The following ST7L variants were observed in gnomAD, a reference collection of about 807,000 sequenced individuals.
The protein encoded by ST7L is suppression of tumorigenicity 7 like, also known as suppressor of tumorigenicity 7 protein-like.
In ST7L, 57 loss-of-function variants were observed where a neutral mutation model predicts 72.5. The ratio of observed to expected loss-of-function variants is 0.79; its 90% confidence interval spans 0.64 to 0.98. The LOEUF (loss-of-function observed/expected upper bound fraction) is 0.98. ST7L is among the 50% of genes least tolerant of loss of function. The pLI is 0.00. For synonymous variants in ST7L, 221 were observed against 240.9 expected, an observed-to-expected ratio of 0.92 and a Z score of 0.77; for missense variants, 576 against 672.2, an observed-to-expected ratio of 0.86 and a Z score of 1.58.
intron 14 of ST7L, chr1:112,529,344 G>A (rs1314821019): frequency 6.6e-6 from 1 of 152,136 alleles, no homozygotes; most frequent in Non-Finnish European, 1.5e-5. Context: ...TTTATAAAGG[G>A]TGATTTCTGA....
intron 11 of ST7L, among the ~76,000 whole-genome samples, chr1:112,568,861 A>AATATAAATAAATAAAT (rs61349207): frequency 2.5e-4 from 29 of 114,890 alleles, no homozygotes; most frequent in Non-Finnish European, 2.5e-4. Flanking sequence ...TATAAATATA[A>AATATAAATAAATAAAT]ATATATATAT....
chr1:112,539,470 A>G (rs1655734256), intron 14 of ST7L, among the ~76,000 whole-genome samples: 1 of 152,150 alleles, frequency 6.6e-6, no homozygotes, highest in African/African-American at 2.4e-5. Context: ...AGCCTGGCCA[A>G]CATGGCAAAA....
At chr1:112,537,877 C>G (rs1020330054) in intron 14 of ST7L, among the ~76,000 whole-genome samples, 7 of 152,206 alleles carry the variant, frequency 4.6e-5, no homozygotes, top group Non-Finnish European at 8.8e-5. Flanking sequence ...GTATACCATG[C>G]AAAAGAAGAG....
rs976475034 is a variant in ST7L, at chr1:112,578,415, T to C, written c.1072A>G (p.Ile358Val). 1.2e-6 allele frequency: 2 copies of C among 1,613,950 alleles called. No homozygotes were observed. Among genetic ancestry groups the C allele is most frequent in the East Asian group, 2.2e-5 (1 of 44,876 alleles). ...ATTGCTGCTGACTTTGGAAGGCTTA[T>C]ATCTGTAACGATAATTTTCAATTTA... ...VQAVLAKYDD[I>V]SLPKSAAICY... The change falls in exon 10 of 15, where the codon ATA (isoleucine) becomes GTA (valine). Residue 358 changes from isoleucine (I) to valine (V), a missense_variant and splice_region_variant. Ile to Val is a conservative substitution (Grantham distance 29). Transcript: ENST00000358039.
intron 11 of ST7L, among the ~76,000 whole-genome samples, chr1:112,566,535 G>A (rs1199602808): frequency 1.3e-5 from 2 of 152,000 alleles, no homozygotes; most frequent in Admixed American, 1.3e-4. Context: ...CTGACCTCGT[G>A]ATCCGCCCTC....
intron 11 of ST7L, among the ~76,000 whole-genome samples, chr1:112,564,850 C>T (rs1193982171): frequency 2.7e-5 from 4 of 147,284 alleles, no homozygotes; most frequent in Non-Finnish European, 6.0e-5. Flanking sequence ...GAGCTACTAT[C>T]TTCTAGGGTG....
chr1:112,547,853 C>T (rs1374541317), intron 13 of ST7L, among the ~76,000 whole-genome samples: 1 of 151,938 alleles, frequency 6.6e-6, no homozygotes, highest in African/African-American at 2.4e-5. Context: ...CGTGAGCCAT[C>T]GTTCCTGGCC....
chr1:112,600,933 C>A, intron 3 of ST7L, 85 bp from the exon 4 acceptor site: 1 of 1,163,770 alleles, frequency 8.6e-7, no homozygotes, highest in East Asian at 2.5e-5. Flanking sequence ...CCACTGTAGG[C>A]TAATCACAGT....
At chr1:112,602,083 C>CAAAAAAAAAAAAAAAAAAAA (rs71584754) in intron 3 of ST7L, among the ~76,000 whole-genome samples, 2 of 89,058 alleles carry the variant, frequency 2.2e-5, no homozygotes, top group Non-Finnish European at 4.7e-5. Flanking sequence ...AAACTCCATC[C>CAAAAAAAAAAAAAAAAAAAA]AAAAAAAAAA....
intron 11 of ST7L, among the ~76,000 whole-genome samples, chr1:112,573,016 G>C (rs1558000805): frequency 6.6e-6 from 1 of 152,042 alleles, no homozygotes; most frequent in Non-Finnish European, 1.5e-5. Context: ...AATCCCTAAA[G>C]AACCTGATCA....
rs186861838 is a variant in ST7L, at chr1:112,543,970, T to A, written c.1490-1880A>T. ...TCTTATTTTACCATATTTACATATT[T>A]ACTCAGCTATTATTTTTCTAGTGAT... On this transcript the variant is annotated intron_variant, in intron 13 of 14. Coordinates refer to ENST00000358039, the MANE Select transcript of ST7L (RefSeq NM_017744.5). Among the ~76,000 whole-genome samples, 11 of 152,280 alleles carry A rather than the reference T, an allele frequency of 7.2e-5. No homozygotes were observed. In the East Asian group the frequency reaches 2.1e-3, roughly 29 times the overall value.
chr1:112,547,196 T>C (rs1256894958), intron 13 of ST7L, among the ~76,000 whole-genome samples: 1 of 139,742 alleles, frequency 7.2e-6, no homozygotes, highest in Non-Finnish European at 1.5e-5. Context: ...TTTCTTTCTT[T>C]TTTTTTTTTT....
rs74877800 is a variant in ST7L at position 112,568,074 on chromosome 1, G to A, written c.1245+8912C>T. Reference sequence around the variant, plus strand: ...TGTGGGAGCTCCAAATACCCATGATGTATAGCAGGCATCATTTTGCTAAGG... The same window carrying A: ...TGTGGGAGCTCCAAATACCCATGATATATAGCAGGCATCATTTTGCTAAGG... On this transcript the variant is annotated intron_variant, in intron 11 of 14. Transcript: ENST00000358039. Among the ~76,000 whole-genome samples, 206 of 152,172 alleles carry A rather than the reference G, an allele frequency of 1.4e-3. 6 individuals are homozygous for A. The East Asian group carries it at 0.032, about 24-fold the overall frequency.
intron 5 of ST7L, among the ~76,000 whole-genome samples, chr1:112,595,135 G>GC (rs896785703): frequency 3.3e-5 from 5 of 152,098 alleles, no homozygotes; most frequent in African/African-American, 1.2e-4. Context: ...GAAGACCAAG[G>GC]GGGGGCGGAT....
intron 11 of ST7L, among the ~76,000 whole-genome samples, chr1:112,560,111 C>T (rs747741484): frequency 1.3e-5 from 2 of 151,754 alleles, no homozygotes; most frequent in Non-Finnish European, 1.5e-5. Flanking sequence ...AGCAATTTTT[C>T]GGGCCAGGCG....
At position 112,600,818 on chromosome 1, in the gene ST7L, A is replaced by C. The variant is rs762973771; in HGVS notation, c.482T>G (p.Leu161Arg). Residue 161 changes from leucine (L) to arginine (R), a missense_variant, in exon 4 of 15, where the codon CTT becomes CGT. Around this residue, in one of 3 missense-constraint regions of ST7L, gnomAD observed 511 missense variants for 600.7 expected, o/e 0.85. Coordinates refer to ENST00000358039, the MANE Select transcript of ST7L (RefSeq NM_017744.5). ...ECKVWRNPLN[L>R]FRGAEYRRYT... ...CCTCCTATATTCTGCTCCTCTGAAA[A>C]GATTTAGAGGGTTTCTCCATACCTT... The C allele has an allele frequency of 6.2e-7, 1 of 1,610,926 alleles. No individual in the cohort carries two copies. The highest frequency in any genetic ancestry group is 8.5e-7 in the Non-Finnish European group (1 of 1,178,282).
intron 13 of ST7L, among the ~76,000 whole-genome samples, chr1:112,544,843 C>A (rs1403858771): frequency 6.6e-6 from 1 of 152,126 alleles, no homozygotes; most frequent in Non-Finnish European, 1.5e-5. Context: ...TCCTGGATTG[C>A]TTTCTGTAGA....
At chr1:112,596,637 T>C (rs1473655976) in intron 5 of ST7L, among the ~76,000 whole-genome samples, 1 of 151,856 alleles carries the variant, frequency 6.6e-6, no homozygotes, top group African/African-American at 2.4e-5. Flanking sequence ...CATTCATTCA[T>C]TCATACTTTT....
chr1:112,565,510 A>C (rs968966797), intron 11 of ST7L, among the ~76,000 whole-genome samples: 1 of 152,140 alleles, frequency 6.6e-6, no homozygotes, highest in Non-Finnish European at 1.5e-5. Flanking sequence ...TTCTTCTGTA[A>C]GACACAAACT....
Sources: allele counts gnomAD v4.1 joint callset (sites outside exome capture counted in the v4.1 genomes callset), GRCh38; gene constraint gnomAD v4.1.1; regional missense constraint gnomAD v4.1.1; transcripts MANE v1.5; gene names NCBI Gene and HGNC (gene_info 2026-07-23, HGNC 2026-07-21).